Variants in CADM2 observed in about 807,000 individuals in gnomAD.
CADM2 encodes immunoglobulin superfamily member 4D.
CADM2 carries 12 observed loss-of-function variants against 49.8 expected under a neutral mutation model. The observed-to-expected ratio is 0.24, with a 90% CI of 0.15 to 0.39. The LOEUF is 0.39. Among genes scored for constraint, CADM2 ranks in the 10% least tolerant of loss-of-function variants. The pLI is 1.00. For synonymous variants in CADM2, 214 were observed against 175.4 expected (o/e 1.22, Z -1.74); for missense variants, 378 against 492.3 (o/e 0.77, Z 2.20).
At chr3:85,489,391 A>T (rs1000043602) in intron 1 of CADM2, among the ~76,000 whole-genome samples, 1 of 152,198 alleles carries the variant, frequency 6.6e-6, no homozygotes, top group Non-Finnish European at 1.5e-5. Flanking sequence ...ACATCTCAGT[A>T]GTTTGTTTCT....
chr3:85,587,156 T>A (rs2062967449), intron 1 of CADM2, among the ~76,000 whole-genome samples: 1 of 152,060 alleles, frequency 6.6e-6, no homozygotes, highest in African/African-American at 2.4e-5. Flanking sequence ...TGAAAATATT[T>A]GTAGATGAGA....
chr3:85,814,985 A>G (rs998457913), intron 3 of CADM2, among the ~76,000 whole-genome samples: 1 of 152,070 alleles, frequency 6.6e-6, no homozygotes, highest in Non-Finnish European at 1.5e-5. Flanking sequence ...CAAATAAACT[A>G]GAAAACCTAG....
At chr3:85,191,981 C>A (rs2041220961) in intron 1 of CADM2, among the ~76,000 whole-genome samples, 1 of 135,832 alleles carries the variant, frequency 7.4e-6, no homozygotes, top group African/African-American at 2.9e-5. Flanking sequence ...ATTTTTTTAA[C>A]CACACAAAGC....
At chr3:85,439,097 A>G (rs1329501883) in intron 1 of CADM2, among the ~76,000 whole-genome samples, 1 of 151,990 alleles carries the variant, frequency 6.6e-6, no homozygotes, top group African/African-American at 2.4e-5. Flanking sequence ...GTTTTGGGAA[A>G]TGTATTTTGA....
At chr3:85,539,723 TG>T (rs2061500233) in intron 1 of CADM2, among the ~76,000 whole-genome samples, 1 of 151,962 alleles carries the variant, frequency 6.6e-6, no homozygotes, top group African/African-American at 2.4e-5. Context: ...GTAAGAGAGG[TG>T]GATAATTAAA....
At chr3:85,091,385 A>G (rs1055270054) in intron 1 of CADM2, among the ~76,000 whole-genome samples, 1 of 152,220 alleles carries the variant, frequency 6.6e-6, no homozygotes, top group African/African-American at 2.4e-5. Flanking sequence ...TGCATAAAAC[A>G]AAAACATGTT....
At chr3:85,012,384 T>C (rs1337449772) in intron 1 of CADM2, among the ~76,000 whole-genome samples, 1 of 151,164 alleles carries the variant, frequency 6.6e-6, no homozygotes, top group Non-Finnish European at 1.5e-5. Flanking sequence ...CAGCCTAATG[T>C]TTATTTCTAA....
chr3:85,440,607 A>C (rs1185846609), intron 1 of CADM2, among the ~76,000 whole-genome samples: 2 of 152,226 alleles, frequency 1.3e-5, no homozygotes, highest in African/African-American at 4.8e-5. Flanking sequence ...CTTGTCTAAC[A>C]CCTGTGATGA....
rs544069573 is a variant in CADM2 at position 84,958,998 on chromosome 3, C to CCGCCGT, written c.-604_-599dup. On this transcript the variant is annotated 5_prime_UTR_variant, in exon 1 of 10. Transcript: ENST00000383699. The stretch of plus-strand genomic sequence containing the variant: ...TTGTGTCTGGTGCTTCGTAGAGCTG[C>CCGCCGT]CGCCGTCGCCGCTGCCGCTGCCGCC... 8,659 of 199,736 alleles carry CCGCCGT rather than the reference C, an allele frequency of 0.043. 341 individuals carry two copies. The highest frequency in any genetic ancestry group is 0.056 in the Non-Finnish European group (5,579 of 100,058). 12.4% of individuals were successfully genotyped at this position (199,736 alleles called of 1,614,324 possible). A position where few individuals can be genotyped will look rare whatever the true frequency, so the allele number is the denominator to read the frequency against.
At chr3:85,949,388 G>A (rs567801136) in intron 7 of CADM2, among the ~76,000 whole-genome samples, 31 of 151,194 alleles carry the variant, frequency 2.1e-4, no homozygotes, top group Non-Finnish European at 3.6e-4. Flanking sequence ...GTTACAATAA[G>A]CATATCAGCT....
intron 1 of CADM2, among the ~76,000 whole-genome samples, chr3:85,617,189 A>G (rs1267948561): frequency 1.3e-5 from 2 of 151,692 alleles, no homozygotes; most frequent in Non-Finnish European, 2.9e-5. Context: ...AAGCCTCCCC[A>G]CCCCTTCCGA....
chr3:85,135,179 T>C (rs1241948618), intron 1 of CADM2, among the ~76,000 whole-genome samples: 1 of 152,004 alleles, frequency 6.6e-6, no homozygotes, highest in Non-Finnish European at 1.5e-5. Flanking sequence ...AAACATTTGG[T>C]GTGAAAATTA....
chr3:85,484,384 T>G (rs774867247), intron 1 of CADM2, among the ~76,000 whole-genome samples: 1 of 151,984 alleles, frequency 6.6e-6, no homozygotes, highest in Non-Finnish European at 1.5e-5. Flanking sequence ...CTTAGGATTA[T>G]GTAAACCTTT....
chr3:85,883,360 T>A lies in CADM2; in HGVS notation c.308T>A (p.Val103Glu). The A allele has an allele frequency of 6.2e-7, 1 of 1,613,696 alleles. No homozygotes were observed. The highest frequency in any genetic ancestry group is 8.5e-7 in the Non-Finnish European group (1 of 1,179,674). The change falls in exon 4 of 10, where the codon GTG becomes GAG. Residue 103 changes from valine to glutamate, a missense_variant. Val to Glu is a moderately radical substitution (Grantham distance 121). Coordinates refer to ENST00000383699, the MANE Select transcript of CADM2 (RefSeq NM_001167675.2). ...GAATTGAGTATTAGTGTCAGTGATG[T>A]GTCTCTCTCTGATGAAGGACAGTAC... ...WHELSISVSDVSLSDEGQYTC... is the reference protein window; with the variant it reads ...WHELSISVSDESLSDEGQYTC...
At chr3:85,214,946 C>T (rs1334558903) in intron 1 of CADM2, among the ~76,000 whole-genome samples, 1 of 152,178 alleles carries the variant, frequency 6.6e-6, no homozygotes, top group South Asian at 2.1e-4. Context: ...TGGTGCTCTA[C>T]CCCACTGTGG....
intron 3 of CADM2, among the ~76,000 whole-genome samples, chr3:85,871,416 G>A (rs545042370): frequency 6.6e-6 from 1 of 152,178 alleles, no homozygotes; most frequent in South Asian, 2.1e-4. Context: ...ATGAGGATTA[G>A]TAATTATTAG....
At chr3:85,431,871 ATG>A (rs1491474064) in intron 1 of CADM2, among the ~76,000 whole-genome samples, 1 of 122,792 alleles carries the variant, frequency 8.1e-6, no homozygotes, top group Non-Finnish European at 1.7e-5. Flanking sequence ...ATATATATAT[ATG>A]CCATGCTCTT....
At chr3:85,040,860 T>G (rs1216190508) in intron 1 of CADM2, among the ~76,000 whole-genome samples, 1 of 152,226 alleles carries the variant, frequency 6.6e-6, no homozygotes, top group Non-Finnish European at 1.5e-5. Context: ...GTGGTCTTTA[T>G]TACATGAGCA....
At chr3:85,422,493 G>A (rs1317483820) in intron 1 of CADM2, among the ~76,000 whole-genome samples, 1 of 152,050 alleles carries the variant, frequency 6.6e-6, no homozygotes, top group African/African-American at 2.4e-5. Flanking sequence ...TAGCCAGGAT[G>A]GTCTTGGTCT....
Sources: gnomAD v4.1 joint callset for allele counts (sites outside exome capture counted in the v4.1 genomes callset) on GRCh38, gnomAD v4.1.1 for gene constraint, MANE v1.5 for transcripts, NCBI Gene and HGNC (gene_info 2026-07-23, HGNC 2026-07-21) for gene names.